CTNNA3: variants seen among roughly 807,000 people sequenced by gnomAD.
CTNNA3 encodes catenin alpha-3.
CTNNA3 carries 76 observed loss-of-function variants against 95.7 expected under a neutral mutation model. That is an observed-to-expected ratio of 0.79 (90% CI 0.66 to 0.96). CTNNA3 has a LOEUF of 0.96. Ranked by LOEUF, CTNNA3 falls within the 40% of genes least tolerant of loss-of-function variation. The probability of loss-of-function intolerance (pLI) is 0.00; values close to 1 mark genes in which losing one functional copy is unlikely to be tolerated. For synonymous variants in CTNNA3, 431 were observed against 374.4 expected, an observed-to-expected ratio of 1.15 and a Z score of -1.74; for missense variants, 1,191 against 1,089.8, an observed-to-expected ratio of 1.09 and a Z score of -1.31.
At chr10:67,332,277 G>A (rs1841823983) in intron 5 of CTNNA3, among the ~76,000 whole-genome samples, 1 of 152,114 alleles carries the variant, frequency 6.6e-6, no homozygotes, top group East Asian at 1.9e-4. Context: ...GAAACAAAAG[G>A]GCATTTTCCT....
At chr10:66,355,763 T>G (rs1307252336) in intron 12 of CTNNA3, among the ~76,000 whole-genome samples, 1 of 152,006 alleles carries the variant, frequency 6.6e-6, no homozygotes, top group Non-Finnish European at 1.5e-5. Flanking sequence ...TTACTTGGTG[T>G]TGTATCTAAC....
intron 5 of CTNNA3, among the ~76,000 whole-genome samples, chr10:67,315,192 CCTCT>C (rs944617782): frequency 3.9e-5 from 6 of 152,168 alleles, no homozygotes; most frequent in African/African-American, 1.4e-4. Context: ...TTCAGCCCAA[CCTCT>C]CTATCACTCA....
At chr10:66,315,564 A>G (rs1380780928) in intron 12 of CTNNA3, among the ~76,000 whole-genome samples, 1 of 151,632 alleles carries the variant, frequency 6.6e-6, no homozygotes, top group Non-Finnish European at 1.5e-5. Context: ...ACTGATCGTA[A>G]CTTGGTTTTG....
intron 17 of CTNNA3, among the ~76,000 whole-genome samples, chr10:65,921,225 C>T (rs1327173367): frequency 6.6e-6 from 1 of 152,132 alleles, no homozygotes; most frequent in Admixed American, 6.6e-5. Flanking sequence ...TGGAGTTTAG[C>T]AACAATAAAA....
Position 66,379,239 on chromosome 10 carries a change from G to A in CTNNA3, c.1645C>T (p.His549Tyr), listed in dbSNP as rs1302576659. The change falls in exon 12 of 18, where the codon CAC becomes TAC. Residue 549 changes from histidine to tyrosine, a missense_variant. His to Tyr is a moderately conservative substitution (Grantham distance 83, BLOSUM62 2). Coordinates refer to ENST00000433211, the MANE Select transcript of CTNNA3 (RefSeq NM_013266.4). The stretch of plus-strand genomic sequence containing the variant: ...CTGTCCATTTCACCCGTGACGATGT[G>A]AGCAACTCTTGCTGCCCGGCCTCTG... Reference protein sequence around the residue: ...AIRGRAARVAHIVTGEMDSYE... With the variant: ...AIRGRAARVAYIVTGEMDSYE... The A allele has an allele frequency of 4.3e-6, 7 of 1,614,104 alleles. No homozygotes were observed. Among genetic ancestry groups the A allele is most frequent in the South Asian group, 1.1e-5 (1 of 91,082 alleles).
intron 7 of CTNNA3, among the ~76,000 whole-genome samples, chr10:66,987,795 A>T (rs921840124): frequency 2.6e-5 from 4 of 152,192 alleles, no homozygotes; most frequent in Non-Finnish European, 5.9e-5. Flanking sequence ...AATTTGGATA[A>T]ATTTTGCAAA....
At position 67,293,023 on chromosome 10, in the gene CTNNA3, T is replaced by C. The variant is rs114731262; in HGVS notation, c.580-73153A>G. The stretch of plus-strand genomic sequence containing the variant: ...AATCATATAAATTCCTAAAGAGAAT[T>C]AGTAGATTAAGAAGAGTCAATAAAG... On this transcript the variant is annotated intron_variant, in intron 5 of 17. Transcript: ENST00000433211. 1.1e-3 allele frequency among the ~76,000 whole-genome samples: 167 copies of C among 152,052 alleles called. 1 individual carries two copies. Among genetic ancestry groups the C allele is most frequent in the African/African-American group, 3.9e-3 (160 of 41,492 alleles).
chr10:66,000,384 G>T (rs879417283), intron 15 of CTNNA3, among the ~76,000 whole-genome samples: 7 of 151,948 alleles, frequency 4.6e-5, no homozygotes, highest in Admixed American at 4.6e-4. Flanking sequence ...AATTAACTAG[G>T]GCTATGGCTT....
chr10:66,241,642 C>G (rs540351831), intron 13 of CTNNA3, among the ~76,000 whole-genome samples: 2 of 149,230 alleles, frequency 1.3e-5, no homozygotes, highest in Non-Finnish European at 3.0e-5. Context: ...CACCCCCAGC[C>G]CCCCCACCTC....
intron 13 of CTNNA3, among the ~76,000 whole-genome samples, chr10:66,208,537 T>C (rs989886236): frequency 1.3e-5 from 2 of 151,898 alleles, no homozygotes; most frequent in Admixed American, 1.3e-4. Flanking sequence ...TCATCTTCAG[T>C]GAATAGATTT....
At chr10:66,710,655 A>G (rs1224785679) in intron 9 of CTNNA3, among the ~76,000 whole-genome samples, 1 of 151,956 alleles carries the variant, frequency 6.6e-6, no homozygotes, top group African/African-American at 2.4e-5. Context: ...TAAAGCATTC[A>G]TAATTATATA....
At chr10:67,199,887 T>G (rs7905049) in intron 6 of CTNNA3, among the ~76,000 whole-genome samples, 55,186 of 152,010 alleles carry the variant, frequency 0.36, 14,463 homozygotes, top group African/African-American at 0.75. Flanking sequence ...AATACATAAT[T>G]CCATCAAGAA....
In CTNNA3 at chr10:66,840,364, TCTCTCTCTCACACACA is replaced by T. The variant is rs1318032485; in HGVS notation, c.1048-64856_1048-64841del. Among the ~76,000 whole-genome samples, 340 of 92,878 alleles carry T rather than the reference TCTCTCTCTCACACACA, an allele frequency of 3.7e-3. 1 individual carries two copies. The highest frequency in any genetic ancestry group is 0.012 in the Middle Eastern group (2 of 172). The allele number at this position is 92,878 out of a possible 152,430, so 60.9% of individuals were successfully genotyped here. On this transcript the variant is annotated intron_variant, in intron 7 of 17. Coordinates refer to ENST00000433211, the MANE Select transcript of CTNNA3 (RefSeq NM_013266.4). ...CTCTCTCTCTCTCTCTCTCTCTCTC[TCTCTCTCTCACACACA>T]CACACACACACACACACACACACAC...
At chr10:67,213,594 T>C (rs890350195) in intron 6 of CTNNA3, among the ~76,000 whole-genome samples, 8 of 151,866 alleles carry the variant, frequency 5.3e-5, no homozygotes, top group African/African-American at 1.9e-4. Flanking sequence ...TTTCCTTCTA[T>C]GTACTCCCTT....
At chr10:67,336,647 T>G (rs1233314776) in intron 5 of CTNNA3, among the ~76,000 whole-genome samples, 1 of 152,188 alleles carries the variant, frequency 6.6e-6, no homozygotes, top group South Asian at 2.1e-4. Flanking sequence ...AGTCAATGCT[T>G]GGTTTCAAAG....
At chr10:66,623,367 T>A (rs1256979568) in intron 9 of CTNNA3, among the ~76,000 whole-genome samples, 1 of 152,148 alleles carries the variant, frequency 6.6e-6, no homozygotes, top group East Asian at 1.9e-4. Context: ...ATGTAGATAC[T>A]TTTTTATTTT....
At chr10:67,352,608 T>C (rs1231391677) in intron 5 of CTNNA3, among the ~76,000 whole-genome samples, 1 of 152,048 alleles carries the variant, frequency 6.6e-6, no homozygotes, top group Non-Finnish European at 1.5e-5. Context: ...AAGGTATGAA[T>C]GTTCCATTTT....
chr10:67,392,552 C>G (rs1428213426), intron 5 of CTNNA3, among the ~76,000 whole-genome samples: 3 of 152,188 alleles, frequency 2.0e-5, no homozygotes, highest in Non-Finnish European at 2.9e-5. Context: ...CATCCCATTA[C>G]TGGGTATATA....
intron 2 of CTNNA3, among the ~76,000 whole-genome samples, chr10:67,627,254 C>T (rs1024821484): frequency 2.0e-5 from 3 of 152,014 alleles, no homozygotes; most frequent in African/African-American, 7.2e-5. Context: ...TTCACAAGTC[C>T]GTCCTCTGCC....
Sources: allele counts gnomAD v4.1 joint callset (sites outside exome capture counted in the v4.1 genomes callset), GRCh38; gene constraint gnomAD v4.1.1; transcripts MANE v1.5; gene names NCBI Gene and HGNC (gene_info 2026-07-23, HGNC 2026-07-21).